Variants in LINGO2 observed in about 807,000 individuals in gnomAD.
The protein encoded by LINGO2 is leucine-rich repeat and immunoglobulin-like domain-containing nogo receptor-interacting protein 2.
In LINGO2, 14 loss-of-function variants were observed where a neutral mutation model predicts 30.6. The ratio of observed to expected loss-of-function variants is 0.46; its 90% confidence interval spans 0.30 to 0.72. LINGO2 has a LOEUF of 0.72. Ranked by LOEUF, LINGO2 falls within the 30% of genes least tolerant of loss-of-function variation. LINGO2 has a pLI of 0.07. For synonymous variants in LINGO2, 317 were observed against 288.5 expected (o/e 1.10, Z -1.00); for missense variants, 729 against 751.7 (o/e 0.97, Z 0.35).
chr9:28,657,278 C>T (rs559705983), intron 1 of LINGO2, among the ~76,000 whole-genome samples: 1 of 152,060 alleles, frequency 6.6e-6, no homozygotes, highest in Non-Finnish European at 1.5e-5. Flanking sequence ...CCATCACCAC[C>T]ACCCATCAAA....
intron 3 of LINGO2, among the ~76,000 whole-genome samples, chr9:28,359,350 T>C (rs1006828482): frequency 1.3e-5 from 2 of 152,114 alleles, no homozygotes; most frequent in Non-Finnish European, 2.9e-5. Context: ...CTATACAGCA[T>C]AATTTCTGGA....
intron 3 of LINGO2, among the ~76,000 whole-genome samples, chr9:28,316,356 T>A (rs1187161147): frequency 6.6e-6 from 1 of 152,092 alleles, no homozygotes; most frequent in African/African-American, 2.4e-5. Context: ...AGGCAATATG[T>A]TTTATGTAAA....
the LINGO2 span, among the ~76,000 whole-genome samples, chr9:28,961,452 G>A: frequency 6.6e-6 from 1 of 152,130 alleles, no homozygotes; most frequent in Non-Finnish European, 1.5e-5. Context: ...TATTAAAAAG[G>A]AGTAAATGGA....
At chr9:28,178,763 C>T (rs894531134) in intron 4 of LINGO2, among the ~76,000 whole-genome samples, 15 of 152,224 alleles carry the variant, frequency 9.9e-5, no homozygotes, top group African/African-American at 3.4e-4. Flanking sequence ...TAGCCAAATG[C>T]ATATCGTGAA....
the LINGO2 span, among the ~76,000 whole-genome samples, chr9:29,036,672 C>A: frequency 6.6e-6 from 1 of 151,960 alleles, no homozygotes; most frequent in African/African-American, 2.4e-5. Context: ...TTTCTGATCA[C>A]TATCACTCAT....
chr9:28,775,610 A>G, the LINGO2 span, among the ~76,000 whole-genome samples: 1 of 152,158 alleles, frequency 6.6e-6, no homozygotes, highest in East Asian at 1.9e-4. Flanking sequence ...GGGGCCTTAA[A>G]TATTATAAGT....
the LINGO2 span, among the ~76,000 whole-genome samples, chr9:28,823,294 C>T: frequency 6.6e-6 from 1 of 152,062 alleles, no homozygotes; most frequent in Admixed American, 6.6e-5. Flanking sequence ...GACAGTGGGC[C>T]ACTAAATGGA....
intron 2 of LINGO2, among the ~76,000 whole-genome samples, chr9:28,437,858 C>A (rs1372443599): frequency 6.6e-6 from 1 of 152,120 alleles, no homozygotes; most frequent in Non-Finnish European, 1.5e-5. Flanking sequence ...TTCTGCCAGG[C>A]ATAATTTTTC....
chr9:28,302,116 T>C (rs1824170829), intron 3 of LINGO2, among the ~76,000 whole-genome samples: 1 of 152,094 alleles, frequency 6.6e-6, no homozygotes, highest in Non-Finnish European at 1.5e-5. Context: ...GCAGCTAATA[T>C]AAAAACACAG....
chr9:29,114,503 T>C, the LINGO2 span, among the ~76,000 whole-genome samples: 1 of 150,784 alleles, frequency 6.6e-6, no homozygotes, highest in African/African-American at 2.4e-5. Context: ...GCTGCACCCA[T>C]TAACTCGTCA....
chr9:28,222,101 A>G (rs1383956159), intron 4 of LINGO2, among the ~76,000 whole-genome samples: 1 of 152,228 alleles, frequency 6.6e-6, no homozygotes, highest in Non-Finnish European at 1.5e-5. Context: ...TAAAAAAATT[A>G]TAGAACAAAG....
the LINGO2 span, among the ~76,000 whole-genome samples, chr9:28,724,757 T>C: frequency 2.0e-5 from 3 of 152,140 alleles, no homozygotes; most frequent in African/African-American, 7.2e-5. Flanking sequence ...TTGTTGTGCC[T>C]TCCTCTAACC....
the LINGO2 span, among the ~76,000 whole-genome samples, chr9:28,850,376 T>C: frequency 3.9e-5 from 6 of 152,082 alleles, no homozygotes; most frequent in Non-Finnish European, 5.9e-5. Flanking sequence ...TGGTTCCGTC[T>C]AGGGGCTTGC....
chr9:28,677,095 T>C, the LINGO2 span, among the ~76,000 whole-genome samples: 1 of 152,108 alleles, frequency 6.6e-6, no homozygotes, highest in Admixed American at 6.6e-5. Flanking sequence ...TGCCTAATTC[T>C]CACAACAGTC....
At chr9:28,833,653 C>T in the LINGO2 span, among the ~76,000 whole-genome samples, 1 of 152,146 alleles carries the variant, frequency 6.6e-6, no homozygotes, top group South Asian at 2.1e-4. Context: ...GGAGAGGGAA[C>T]ATTCACAGCC....
At chr9:29,177,299 C>T in the LINGO2 span, among the ~76,000 whole-genome samples, 1 of 152,172 alleles carries the variant, frequency 6.6e-6, no homozygotes, top group African/African-American at 2.4e-5. Flanking sequence ...TCAGACCAAT[C>T]TTTCACTGGA....
At chr9:29,112,645 T>C in the LINGO2 span, among the ~76,000 whole-genome samples, 1 of 152,132 alleles carries the variant, frequency 6.6e-6, no homozygotes, top group African/African-American at 2.4e-5. Flanking sequence ...AACATCCAAG[T>C]GCCAACTGTC....
At chr9:29,015,022 C>A in the LINGO2 span, among the ~76,000 whole-genome samples, 1 of 152,080 alleles carries the variant, frequency 6.6e-6, no homozygotes, top group African/African-American at 2.4e-5. Context: ...AAGGATGATT[C>A]TCTGGTTTGT....
chr9:28,176,899 A>G (rs1015619736), intron 4 of LINGO2, among the ~76,000 whole-genome samples: 3 of 152,162 alleles, frequency 2.0e-5, no homozygotes, highest in Admixed American at 1.3e-4. Flanking sequence ...CATATTTTCA[A>G]TCTTTCCTGA....
Sources: gnomAD v4.1 joint callset for allele counts (sites outside exome capture counted in the v4.1 genomes callset) on GRCh38, gnomAD v4.1.1 for gene constraint, MANE v1.5 for transcripts, NCBI Gene and HGNC (gene_info 2026-07-23, HGNC 2026-07-21) for gene names.